Variants in LMX1A observed in about 807,000 individuals in gnomAD.
LMX1A encodes LIM homeobox transcription factor 1-alpha.
Under a neutral mutation model 49.1 loss-of-function variants are expected in LMX1A, and 15 were observed. The ratio of observed to expected loss-of-function variants is 0.31; its 90% CI spans 0.20 to 0.47. The LOEUF is 0.47. Among genes scored for constraint, LMX1A ranks in the 20% least tolerant of loss-of-function variants. The pLI, the probability that LMX1A is intolerant of heterozygous loss-of-function variation, is 1.00. For synonymous variants in LMX1A, 167 were observed against 185.7 expected, an observed-to-expected ratio of 0.90 and a Z score of 0.82; for missense variants, 372 against 475.8, an observed-to-expected ratio of 0.78 and a Z score of 2.03.
chr1:165,353,007 G>A, intron 3 of LMX1A, 69 bp downstream of exon 3: 1 of 1,492,898 alleles, frequency 6.7e-7, no homozygotes, highest in Non-Finnish European at 9.3e-7. Context: ...CTAGGGTAAA[G>A]GAGGACAAAG....
At chr1:165,232,195 T>C (rs1652264696) in intron 4 of LMX1A, among the ~76,000 whole-genome samples, 1 of 152,172 alleles carries the variant, frequency 6.6e-6, no homozygotes, top group African/African-American at 2.4e-5. Flanking sequence ...GACCAGGGTA[T>C]GGAGAAGCTT....
intron 3 of LMX1A, among the ~76,000 whole-genome samples, chr1:165,335,072 T>G (rs1357344726): frequency 6.6e-6 from 1 of 152,236 alleles, no homozygotes; most frequent in African/African-American, 2.4e-5. Context: ...AAGAAAATAT[T>G]TCTATGTAAA....
At chr1:165,341,161 G>C (rs1656063101) in intron 3 of LMX1A, among the ~76,000 whole-genome samples, 1 of 152,076 alleles carries the variant, frequency 6.6e-6, no homozygotes, top group African/African-American at 2.4e-5. Context: ...AATGTTCTTT[G>C]TATGTTACAC....
intron 3 of LMX1A, among the ~76,000 whole-genome samples, chr1:165,288,731 C>G (rs773350297): frequency 5.9e-5 from 9 of 152,228 alleles, no homozygotes; most frequent in Non-Finnish European, 1.0e-4. Context: ...CCTGTGCTCA[C>G]ACACAGGCTC....
intron 3 of LMX1A, among the ~76,000 whole-genome samples, chr1:165,282,587 T>C (rs1026624341): frequency 6.6e-6 from 1 of 152,192 alleles, no homozygotes; most frequent in African/African-American, 2.4e-5. Flanking sequence ...CCCTCAGATA[T>C]GGAGGCCGAC....
intron 3 of LMX1A, among the ~76,000 whole-genome samples, chr1:165,276,480 T>TAGCA (rs2101701198): frequency 6.6e-6 from 1 of 152,346 alleles, no homozygotes. Flanking sequence ...TGATGATTGA[T>TAGCA]AGCAATTCTC....
chr1:165,331,746 G>A (rs1056910063), intron 3 of LMX1A, among the ~76,000 whole-genome samples: 19 of 152,022 alleles, frequency 1.2e-4, no homozygotes, highest in African/African-American at 3.6e-4. Context: ...GCAAAACCCC[G>A]TGTCTACTAA....
At chr1:165,266,256 G>A (rs543497505) in intron 3 of LMX1A, among the ~76,000 whole-genome samples, 1 of 152,328 alleles carries the variant, frequency 6.6e-6, no homozygotes, top group Admixed American at 6.5e-5. Flanking sequence ...ACTGACGTTA[G>A]AGCAAACATC....
chr1:165,226,598 G>A (rs1054390003), intron 4 of LMX1A, among the ~76,000 whole-genome samples: 10 of 152,174 alleles, frequency 6.6e-5, no homozygotes, highest in African/African-American at 2.2e-4. Context: ...GCTGAGCTTC[G>A]GGAATCATAG....
At chr1:165,277,172 G>T (rs1653995122) in intron 3 of LMX1A, among the ~76,000 whole-genome samples, 1 of 152,238 alleles carries the variant, frequency 6.6e-6, no homozygotes, top group Non-Finnish European at 1.5e-5. Flanking sequence ...AAAAGATGCA[G>T]GTAAGGAGGG....
At chr1:165,204,904 G>GAAC (rs1651011020) in intron 8 of LMX1A, among the ~76,000 whole-genome samples, 1 of 152,112 alleles carries the variant, frequency 6.6e-6, no homozygotes, top group Non-Finnish European at 1.5e-5. Flanking sequence ...CAATGAGTGG[G>GAAC]GTCAGCCAGT....
rs180765210 is a variant in LMX1A at position 165,342,901 on chromosome 1, G to A, written c.263+10175C>T. On this transcript the variant is annotated intron_variant, in intron 3 of 8. Coordinates refer to ENST00000342310, the MANE Select transcript of LMX1A (RefSeq NM_177398.4). The stretch of plus-strand genomic sequence containing the variant: ...CATTGGACCAGGAGTTAGAGGCTGG[G>A]GACAGCATCCCAGTTTCCTCTTCCC... Among the ~76,000 whole-genome samples, 212 of 152,008 alleles carry A rather than the reference G, an allele frequency of 1.4e-3. 2 individuals are homozygous for A. Among genetic ancestry groups the A allele is most frequent in the Non-Finnish European group, 2.4e-3 (162 of 68,000 alleles).
chr1:165,325,669 C>T (rs948414690), intron 3 of LMX1A, among the ~76,000 whole-genome samples: 19 of 152,106 alleles, frequency 1.2e-4, no homozygotes, highest in African/African-American at 4.3e-4. Flanking sequence ...CACCGTGCCT[C>T]CCCCCTCCCT....
intron 3 of LMX1A, among the ~76,000 whole-genome samples, chr1:165,340,080 C>T (rs1656027438): frequency 6.6e-6 from 1 of 152,082 alleles, no homozygotes; most frequent in Non-Finnish European, 1.5e-5. Flanking sequence ...AAAATGCTGT[C>T]CTGTACCCTC....
chr1:165,350,173 CAAAAAA>C (rs60150264), intron 3 of LMX1A, among the ~76,000 whole-genome samples: 14 of 80,232 alleles, frequency 1.7e-4, no homozygotes, highest in African/African-American at 5.0e-4. Context: ...AAAGATCCAC[CAAAAAA>C]AAAAAAAAAA....
intron 4 of LMX1A, among the ~76,000 whole-genome samples, chr1:165,242,420 C>A: frequency 7.1e-6 from 1 of 140,794 alleles, no homozygotes; most frequent in African/African-American, 2.7e-5. Context: ...ATCTAAAATG[C>A]AAACTGGTCT....
chr1:165,257,440 T>TAA (rs35281158), intron 3 of LMX1A, among the ~76,000 whole-genome samples: 2,415 of 149,596 alleles, frequency 0.016, 59 homozygotes, highest in African/African-American at 0.055. Context: ...AGGCAGGAGT[T>TAA]AAAAAAAAAA....
intron 3 of LMX1A, 56 bp downstream of exon 3, chr1:165,353,020 C>A: frequency 6.4e-7 from 1 of 1,572,842 alleles, no homozygotes; most frequent in Non-Finnish European, 8.7e-7. Flanking sequence ...GGACAAAGTC[C>A]TCGACGCACA....
chr1:165,306,631 C>T (rs146460883), intron 3 of LMX1A, among the ~76,000 whole-genome samples: 4 of 152,328 alleles, frequency 2.6e-5, no homozygotes, highest in Non-Finnish European at 5.9e-5. Context: ...AACTTGATTG[C>T]TAGTTTGCTC....
Sources: allele counts gnomAD v4.1 joint callset (sites outside exome capture counted in the v4.1 genomes callset), GRCh38; gene constraint gnomAD v4.1.1; transcripts MANE v1.5; gene names NCBI Gene and HGNC (gene_info 2026-07-23, HGNC 2026-07-21).